Variants in ASPG observed in about 807,000 individuals in gnomAD.
The protein encoded by ASPG is 60 kDa lysophospholipase.
Under a neutral mutation model 63.2 loss-of-function variants are expected in ASPG, and 53 were observed. The ratio of observed to expected loss-of-function variants is 0.84; its 90% CI spans 0.67 to 1.05. ASPG has a LOEUF of 1.05. Ranked by LOEUF, ASPG falls within the 50% of genes least tolerant of loss-of-function variation. The pLI is 0.00. For missense variants in ASPG, 741 were observed against 794.4 expected (o/e 0.93, Z 0.81); for synonymous variants, 370 against 355.0 (o/e 1.04, Z -0.48).
intron 1 of ASPG, among the ~76,000 whole-genome samples, chr14:104,088,470 C>T (rs1267763865): frequency 6.6e-6 from 1 of 152,176 alleles, no homozygotes; most frequent in Non-Finnish European, 1.5e-5. Context: ...TTCTGTACAC[C>T]CGAGAAACTT....
intron 6 of ASPG, among the ~76,000 whole-genome samples, chr14:104,101,674 G>C (rs115547554): frequency 9.0e-4 from 137 of 152,314 alleles, no homozygotes; most frequent in African/African-American, 3.2e-3. Flanking sequence ...GGCCAGGCCT[G>C]TCACTCACCA....
At chr14:104,094,901 G>C (rs1157829099) in intron 3 of ASPG, among the ~76,000 whole-genome samples, 1 of 152,138 alleles carries the variant, frequency 6.6e-6, no homozygotes, top group Non-Finnish European at 1.5e-5. Flanking sequence ...TCTTTTAATG[G>C]CCCCCCGGGC....
At chr14:104,106,665 C>A in intron 10 of ASPG, 134 bp from the exon 11 acceptor site, 2 of 783,722 alleles carry the variant, frequency 2.6e-6, no homozygotes, top group Non-Finnish European at 4.1e-6. Context: ...AGCTCAGGTT[C>A]CTTCTCACCC....
Position 104,110,035 on chromosome 14 carries a change from A to C in ASPG, c.1520+720A>C. On this transcript the variant is annotated intron_variant, in intron 13 of 15. Coordinates refer to ENST00000551177, the MANE Select transcript of ASPG (RefSeq NM_001080464.3). The surrounding 1 kb of genome is among the most constrained non-coding windows in gnomAD (Gnocchi z 4.7). Reference sequence around the variant, plus strand: ...GCCACAGCCAGAATCGCTGCCCCCCACCCCATGCCTTGTGCCTGGTGACTT... The same window carrying C: ...GCCACAGCCAGAATCGCTGCCCCCCCCCCCATGCCTTGTGCCTGGTGACTT... The C allele has an allele frequency of 2.0e-6, 2 of 985,228 alleles. No homozygotes were observed. The highest frequency in any genetic ancestry group is 2.4e-6 in the Non-Finnish European group (2 of 829,880). The allele number at this position is 985,228 out of a possible 1,614,324, so 61.0% of individuals were successfully genotyped here.
intron 1 of ASPG, among the ~76,000 whole-genome samples, chr14:104,090,286 G>A (rs2036329994): frequency 6.6e-6 from 1 of 152,196 alleles, no homozygotes; most frequent in Non-Finnish European, 1.5e-5. Context: ...TCCCCCACAT[G>A]AGTCAGCAGC....
chr14:104,103,758 G>A lies in ASPG; in HGVS notation c.753+83G>A. The A allele has an allele frequency of 3.3e-6, 4 of 1,216,236 alleles. No homozygotes were observed. In the South Asian group the frequency reaches 5.6e-5, roughly 17 times the overall value. The allele number at this position is 1,216,236 out of a possible 1,614,324, so 75.3% of individuals were successfully genotyped here. Reference sequence around the variant, plus strand: ...TCCCACGGCCCTCAGGCTCCCTGGGGCCCTCACCAGCCAGTGCAGACCCCG... The same window carrying A: ...TCCCACGGCCCTCAGGCTCCCTGGGACCCTCACCAGCCAGTGCAGACCCCG... On this transcript the variant is annotated intron_variant, in intron 7 of 15. Transcript: ENST00000551177.
chr14:104,093,433 A>C, intron 2 of ASPG, 58 bp from the exon 3 acceptor site: 1 of 1,443,960 alleles, frequency 6.9e-7, no homozygotes, highest in Middle Eastern at 1.7e-4. Flanking sequence ...CATTTAGAGC[A>C]GGAGGAGGTG....
rs2036979340 is a variant in ASPG, at chr14:104,103,599, C to T, written c.677C>T (p.Ala226Val). The stretch of plus-strand genomic sequence containing the variant: ...CTGGTGCGGAAGGTGGACGGGAAGG[C>T]TGGGCTGGTGGTGCACAGCAGCATG... ...RELVRKVDGK[A>V]GLVVHSSMEQ... is the part of the protein sequence containing the mutation. The change falls in exon 7 of 16, where the codon GCT becomes GTT. Residue 226 changes from alanine to valine, a missense_variant. Physicochemically the swap from Ala to Val is moderately conservative, Grantham distance 64. Transcript: ENST00000551177. 3 of 1,548,130 alleles carry T rather than the reference C, an allele frequency of 1.9e-6. No homozygotes were observed. Among genetic ancestry groups the T allele is most frequent in the Non-Finnish European group, 2.6e-6 (3 of 1,146,754 alleles).
intron 12 of ASPG, 45 bp downstream of exon 12, chr14:104,107,390 G>A (rs367653120): frequency 1.5e-5 from 20 of 1,370,978 alleles, no homozygotes; most frequent in South Asian, 7.6e-5. Flanking sequence ...ACAGGTGGGC[G>A]CAGAGAGGCT....
chr14:104,100,969 G>A (rs1186885634), intron 6 of ASPG, among the ~76,000 whole-genome samples: 1 of 152,254 alleles, frequency 6.6e-6, no homozygotes, highest in Non-Finnish European at 1.5e-5. Context: ...ACAGTGCACA[G>A]AGGACCGTGC....
At chr14:104,108,708 C>T in intron 12 of ASPG, 1 of 985,390 alleles carries the variant, frequency 1.0e-6, no homozygotes, top group Non-Finnish European at 1.2e-6. Flanking sequence ...ACAGACTCCA[C>T]TGTCCGGGTG....
In ASPG at chr14:104,106,819, T is replaced by C. The variant is rs2037149809; in HGVS notation, c.1194T>C (p.Asn398=). The C allele has an allele frequency of 1.9e-6, 3 of 1,600,142 alleles. No homozygotes were observed. In the South Asian group the frequency reaches 3.4e-5, roughly 18 times the overall value. Residue 398 remains asparagine, a synonymous_variant, in exon 11 of 16, where the codon AAT becomes AAC. Transcript: ENST00000551177. ...CCTAGGAGGCAGATGCCCTGCGGAA[T>C]GCCCTGGTGCCCAGCCTGGCCTGTG... ...SGSQEADALR[N]ALVPSLACAA...
chr14:104,112,878 C>T lies in ASPG; in HGVS notation c.*334C>T. On this transcript the variant is annotated 3_prime_UTR_variant, in exon 16 of 16. Transcript: ENST00000551177. ...GGCAGGGTGGGGTGCATGGACGTGA[C>T]TTGGCCAAGTGGTCCTTTCCCAGCT... The T allele has an allele frequency of 2.7e-6, 1 of 367,940 alleles. No homozygotes were observed. Among genetic ancestry groups the T allele is most frequent in the Non-Finnish European group, 5.1e-6 (1 of 195,942 alleles). 22.8% of individuals were successfully genotyped at this position (367,940 alleles called of 1,614,324 possible).
intron 3 of ASPG, 118 bp from the exon 4 acceptor site, chr14:104,095,413 C>G: frequency 7.0e-7 from 1 of 1,426,470 alleles, no homozygotes; most frequent in Non-Finnish European, 9.5e-7. Context: ...GGCCAGGGTC[C>G]CACGGGTGCC....
At chr14:104,101,786 C>T (rs577322644) in intron 6 of ASPG, among the ~76,000 whole-genome samples, 7 of 152,330 alleles carry the variant, frequency 4.6e-5, no homozygotes, top group Admixed American at 4.6e-4. Context: ...CCAGCCACCC[C>T]AGCTGTGCCG....
intron 1 of ASPG, 47 bp downstream of exon 1, chr14:104,085,899 A>C: frequency 1.6e-5 from 25 of 1,523,058 alleles, no homozygotes; most frequent in Non-Finnish European, 2.2e-5. Context: ...CCTGGCCGCG[A>C]CCGGGAGCCT....
At chr14:104,093,429 G>C in intron 2 of ASPG, 62 bp from the exon 3 acceptor site, 1 of 1,427,600 alleles carries the variant, frequency 7.0e-7, no homozygotes, top group Non-Finnish European at 9.8e-7. Context: ...AGGGCATTTA[G>C]AGCAGGAGGA....
chr14:104,097,906 G>A (rs999420869), intron 5 of ASPG, among the ~76,000 whole-genome samples: 3 of 138,216 alleles, frequency 2.2e-5, no homozygotes, highest in African/African-American at 2.6e-5. Flanking sequence ...TTAGAGATGC[G>A]TATGGAGGTT....
intron 9 of ASPG, chr14:104,104,936 C>G: frequency 1.7e-6 from 1 of 590,810 alleles, no homozygotes; most frequent in Middle Eastern, 4.5e-4. Flanking sequence ...TCACTGGACT[C>G]CCAGCCCAGG....
Sources: gnomAD v4.1 joint callset for allele counts (sites outside exome capture counted in the v4.1 genomes callset) on GRCh38, gnomAD v4.1.1 for gene constraint, Gnocchi (gnomAD v3.1) non-coding constraint, MANE v1.5 for transcripts, NCBI Gene and HGNC (gene_info 2026-07-23, HGNC 2026-07-21) for gene names.